Variants in TAC1 observed in about 807,000 individuals in gnomAD.
The protein encoded by TAC1 is tachykinin precursor 1.
TAC1 carries 12 observed loss-of-function variants against 21.7 expected under a neutral mutation model. That is an observed-to-expected ratio of 0.55 (90% CI 0.35 to 0.89). The LOEUF (loss-of-function observed/expected upper bound fraction) is 0.89. TAC1 is among the 40% of genes least tolerant of loss of function. The pLI, the probability that TAC1 is intolerant of heterozygous loss-of-function variation, is 0.01. For missense variants in TAC1, 128 were observed against 151.4 expected, an observed-to-expected ratio of 0.85 and a Z score of 0.81; for synonymous variants, 52 against 52.0, an observed-to-expected ratio of 1.00 and a Z score of 0.00.
intron 5 of TAC1, 115 bp downstream of exon 5, chr7:97,734,964 T>C: frequency 1.3e-6 from 1 of 780,988 alleles, no homozygotes; most frequent in East Asian, 2.8e-5. Flanking sequence ...ATATGTTTAA[T>C]GAAGACAATA....
intron 4 of TAC1, 109 bp downstream of exon 4, chr7:97,734,401 TAA>T (rs575394876): frequency 2.1e-6 from 2 of 945,240 alleles, no homozygotes. Flanking sequence ...GCCTGTTTAA[TAA>T]AGAGATGGAT....
At chr7:97,733,974 G>C in intron 3 of TAC1, 155 bp downstream of exon 3, 1 of 756,388 alleles carries the variant, frequency 1.3e-6, no homozygotes, top group Non-Finnish European at 2.2e-6. Flanking sequence ...ACCGCACTAA[G>C]GCACGCACGG....
intron 3 of TAC1, 115 bp downstream of exon 3, chr7:97,733,934 T>C: frequency 9.3e-7 from 1 of 1,071,450 alleles, no homozygotes; most frequent in Non-Finnish European, 1.4e-6. Flanking sequence ...CCAAGAGGGG[T>C]GTAATTCCCC....
At chr7:97,737,033 G>C (rs150581199) in intron 6 of TAC1, among the ~76,000 whole-genome samples, 47 of 151,990 alleles carry the variant, frequency 3.1e-4, no homozygotes, top group African/African-American at 1.1e-3. Flanking sequence ...TGATATAAAG[G>C]CTGCAGGTTT....
intron 6 of TAC1, 95 bp downstream of exon 6, chr7:97,736,447 G>A: frequency 8.3e-7 from 1 of 1,199,326 alleles, no homozygotes; most frequent in South Asian, 1.3e-5. Context: ...AGGAGTGGTA[G>A]ATATAAAAAT....
Position 97,733,859 on chromosome 7 carries a change from G to T in TAC1, c.220+40G>T, listed in dbSNP as rs373629494. On this transcript the variant is annotated intron_variant, in intron 3 of 6. Transcript: ENST00000319273. ...CGTCCCTAGGTGTCTTGGGCAGCCC[G>T]CCCTGTCTGCTCACTCCTTCCTGGA... 1.3e-5 allele frequency: 20 copies of T among 1,583,780 alleles called. No homozygotes were observed. The African/African-American group carries it at 1.6e-4, about 13-fold the overall frequency.
In TAC1 at chr7:97,734,816, T is replaced by C; in HGVS notation, c.266-10T>C. On this transcript the variant is annotated splice_polypyrimidine_tract_variant and intron_variant, in intron 4 of 6. Transcript: ENST00000319273. Reference sequence around the variant, plus strand: ...TCTATATGTGTTTGCTAATTTTATCTTTCTTCTAGGACATGGCCAGATCTC... The same window carrying C: ...TCTATATGTGTTTGCTAATTTTATCCTTCTTCTAGGACATGGCCAGATCTC... 1.3e-6 allele frequency: 2 copies of C among 1,590,486 alleles called. No homozygotes were observed. Among genetic ancestry groups the C allele is most frequent in the Non-Finnish European group, 1.7e-6 (2 of 1,163,736 alleles).
chr7:97,733,788 G>A lies in TAC1; in HGVS notation c.189G>A (p.Gln63=), dbSNP rs148136566. The change falls in exon 3 of 7, where the codon CAG becomes CAA. Residue 63 remains glutamine (Q), a synonymous_variant. Transcript: ENST00000319273. Reference sequence around the variant, plus strand: ...TCGCCCGGAGACCCAAGCCTCAGCAGTTCTTTGGATTAATGGGCAAACGGG... The same window carrying A: ...TCGCCCGGAGACCCAAGCCTCAGCAATTCTTTGGATTAATGGGCAAACGGG... ...QRIARRPKPQ[Q]FFGLMGKRDA... is the part of the protein sequence containing the mutation. The A allele has an allele frequency of 1.3e-4, 207 of 1,614,074 alleles. No individual in the cohort carries two copies. The highest frequency in any genetic ancestry group is 1.6e-4 in the Non-Finnish European group (194 of 1,180,044).
chr7:97,732,367 G>C lies in TAC1; in HGVS notation c.-10+172G>C, dbSNP rs1427143962. ...CTGCAGAGTTTCCTGGTTTGAAGGTGTGGGTTGGTGGGTTAGGGGGCTGGG... is the reference window on the plus strand; with the variant it reads ...CTGCAGAGTTTCCTGGTTTGAAGGTCTGGGTTGGTGGGTTAGGGGGCTGGG... On this transcript the variant is annotated intron_variant, in intron 1 of 6. Coordinates refer to ENST00000319273, the MANE Select transcript of TAC1 (RefSeq NM_003182.3). This position sits in a 1 kb window ranked among gnomAD's most constrained non-coding sequence, Gnocchi z 6.2. Among the ~76,000 whole-genome samples, 1 of 152,220 alleles carries C rather than the reference G, an allele frequency of 6.6e-6. No individual in the cohort carries two copies. Among genetic ancestry groups the C allele is most frequent in the Non-Finnish European group, 1.5e-5 (1 of 68,038 alleles).
chr7:97,733,881 T>C, intron 3 of TAC1, 62 bp downstream of exon 3: 1 of 1,469,508 alleles, frequency 6.8e-7, no homozygotes, highest in Admixed American at 1.7e-5. Context: ...CACTCCTTCC[T>C]GGAGTACCCC....
In TAC1 at chr7:97,738,195, A is replaced by G. The variant is rs557418977; in HGVS notation, c.344-1679A>G. ...TCTTTTTATGTACCTCATTGAGGCA[A>G]GGTTATCATAGCCTTAATCTATAGC... On this transcript the variant is annotated intron_variant, in intron 6 of 6. Coordinates refer to ENST00000319273, the MANE Select transcript of TAC1 (RefSeq NM_003182.3). Among the ~76,000 whole-genome samples, 3 of 152,086 alleles carry G rather than the reference A, an allele frequency of 2.0e-5. No homozygotes were observed. In the South Asian group the frequency reaches 6.2e-4, roughly 32 times the overall value.
intron 6 of TAC1, among the ~76,000 whole-genome samples, chr7:97,737,684 T>C (rs1789608362): frequency 1.3e-5 from 2 of 152,150 alleles, no homozygotes; most frequent in East Asian, 3.9e-4. Flanking sequence ...ACTTTCTATT[T>C]AGACACTACC....
intron 2 of TAC1, chr7:97,733,064 G>T (rs1182986328): frequency 7.9e-6 from 2 of 251,594 alleles, no homozygotes; most frequent in Non-Finnish European, 7.7e-6. Context: ...CGGGGGCTCC[G>T]GTCCAGCTGC....
At chr7:97,736,409 T>C in intron 6 of TAC1, 57 bp downstream of exon 6, 1 of 1,470,730 alleles carries the variant, frequency 6.8e-7, no homozygotes, top group South Asian at 1.2e-5. Context: ...TTCTATTTTT[T>C]CTAAGACATA....
In TAC1 at chr7:97,732,647, T is replaced by A. The variant is rs1425131077; in HGVS notation, c.35T>A (p.Leu12His). 1 of 1,614,042 alleles carries A rather than the reference T, an allele frequency of 6.2e-7. No homozygotes were observed. Among genetic ancestry groups the A allele is most frequent in the East Asian group, 2.2e-5 (1 of 44,886 alleles). ...KILVALAVFFLVSTQLFAEEI... is the reference protein window; with the variant it reads ...KILVALAVFFHVSTQLFAEEI... ...CTCGTGGCCTTGGCAGTCTTTTTTCTTGTCTCCACTCAGCTGTTTGCAGAA... is the reference window on the plus strand; with the variant it reads ...CTCGTGGCCTTGGCAGTCTTTTTTCATGTCTCCACTCAGCTGTTTGCAGAA... The change falls in exon 2 of 7, where the codon CTT (leucine) becomes CAT (histidine). Residue 12 changes from leucine (L) to histidine (H), a missense_variant. By Grantham distance (99) the Leu-to-His change is moderately conservative. Coordinates refer to ENST00000319273, the MANE Select transcript of TAC1 (RefSeq NM_003182.3). This position sits in a 1 kb window ranked among gnomAD's most constrained non-coding sequence, Gnocchi z 6.2.
In TAC1 at chr7:97,732,501, C is replaced by T; in HGVS notation, c.-9-103C>T. The T allele has an allele frequency of 1.5e-6, 2 of 1,368,254 alleles. No homozygotes were observed. Among genetic ancestry groups the T allele is most frequent in the South Asian group, 2.6e-5 (2 of 76,242 alleles). The allele number at this position is 1,368,254 out of a possible 1,614,324, so 84.8% of individuals were successfully genotyped here. The stretch of plus-strand genomic sequence containing the variant: ...CCTTATGTTTTTGATCTTGGTTCAT[C>T]CGTTGTGGGGCAGAAAATTCTGTTG... On this transcript the variant is annotated intron_variant, in intron 1 of 6. Coordinates refer to ENST00000319273, the MANE Select transcript of TAC1 (RefSeq NM_003182.3). This position sits in a 1 kb window ranked among gnomAD's most constrained non-coding sequence, Gnocchi z 6.2.
chr7:97,733,109 C>T (rs1281952023), intron 2 of TAC1: 18 of 191,576 alleles, frequency 9.4e-5, no homozygotes, highest in Non-Finnish European at 1.7e-4. Context: ...CAGAGGAGGG[C>T]GCCTGGGTCG....
chr7:97,738,515 G>A (rs961496446), intron 6 of TAC1, among the ~76,000 whole-genome samples: 3 of 151,928 alleles, frequency 2.0e-5, no homozygotes, highest in Non-Finnish European at 4.4e-5. Context: ...CATTCATCCT[G>A]TTCCTAATAT....
At chr7:97,737,848 T>C (rs1789611541) in intron 6 of TAC1, among the ~76,000 whole-genome samples, 1 of 152,034 alleles carries the variant, frequency 6.6e-6, no homozygotes, top group Admixed American at 6.6e-5. Flanking sequence ...ACAATGGCTT[T>C]TATTTGTACC....
Sources: allele counts gnomAD v4.1 joint callset (sites outside exome capture counted in the v4.1 genomes callset), GRCh38; gene constraint gnomAD v4.1.1; non-coding constraint Gnocchi (gnomAD v3.1); transcripts MANE v1.5; gene names NCBI Gene and HGNC (gene_info 2026-07-23, HGNC 2026-07-21).